The following NSD2 variants were observed in gnomAD, a reference collection of about 807,000 sequenced individuals.
NSD2 encodes the protein histone-lysine N-methyltransferase NSD2.
A neutral mutation model predicts 139.0 loss-of-function variants in NSD2; 12 were observed. The observed-to-expected ratio is 0.09, with a 90% CI of 0.06 to 0.14. The LOEUF (loss-of-function observed/expected upper bound fraction) is 0.14. Among genes scored for constraint, NSD2 ranks in the 10% least tolerant of loss-of-function variants. The pLI is 1.00. For synonymous variants in NSD2, 669 were observed against 648.7 expected (o/e 1.03, Z -0.48); for missense variants, 1,155 against 1,745.0 (o/e 0.66, Z 6.02).
chr4:1,914,681 A>C (rs534270210), intron 3 of NSD2, among the ~76,000 whole-genome samples: 2 of 152,254 alleles, frequency 1.3e-5, no homozygotes, highest in South Asian at 2.1e-4. Flanking sequence ...CTGGGTGTAG[A>C]ATTTTATGTT....
At chr4:1,937,030 A>G (rs1050481773) in intron 7 of NSD2, among the ~76,000 whole-genome samples, 2 of 151,532 alleles carry the variant, frequency 1.3e-5, no homozygotes, top group East Asian at 1.9e-4. Flanking sequence ...GGAAGCCTGC[A>G]CTTAACATTT....
intron 2 of NSD2, among the ~76,000 whole-genome samples, chr4:1,903,632 C>T (rs1156377731): frequency 6.6e-6 from 1 of 152,062 alleles, no homozygotes; most frequent in Non-Finnish European, 1.5e-5. Flanking sequence ...TCTATTAATA[C>T]TAGGCCAAGG....
Position 1,930,547 on chromosome 4 carries a change from G to A in NSD2, c.1411-79G>A, listed in dbSNP as rs571511285. 1.1e-4 allele frequency: 153 copies of A among 1,430,404 alleles called. 2 individuals are homozygous for A. In the South Asian group the frequency reaches 2.2e-3, roughly 20 times the overall value. The allele number at this position is 1,430,404 out of a possible 1,614,324, so 88.6% of individuals were successfully genotyped here. ...GACACACTAAGTTCTAAAGGGCCGT[G>A]CATTTGATTTCATGCAAAACAAAAC... On this transcript the variant is annotated intron_variant, in intron 5 of 21. Transcript: ENST00000508803.
In NSD2 at chr4:1,953,458, C is replaced by T. The variant is rs1329886619; in HGVS notation, c.2272C>T (p.Arg758Cys). 1 of 1,614,094 alleles carries T rather than the reference C, an allele frequency of 6.2e-7. No homozygotes were observed. The highest frequency in any genetic ancestry group is 2.2e-5 in the East Asian group (1 of 44,874). ...PLTVFESRGF[R>C]CPLHSCVSCH... is the part of the protein sequence containing the mutation. ...GACTGTATTTGAGAGCCGAGGTTTC[C>T]GCTGCCCCCTCCACAGCTGTGTGAG... Residue 758 changes from arginine (R) to cysteine (C), a missense_variant, in exon 12 of 22, where the codon CGC (arginine) becomes TGC (cysteine). By Grantham distance (180) the Arg-to-Cys change is radical. This residue lies in a region of NSD2 where 120 missense variants were observed against 239.3 expected (regional missense o/e 0.50). Coordinates refer to ENST00000508803, the MANE Select transcript of NSD2 (RefSeq NM_001042424.3).
intron 5 of NSD2, among the ~76,000 whole-genome samples, chr4:1,923,680 G>A (rs929876189): frequency 6.6e-6 from 1 of 152,226 alleles, no homozygotes; most frequent in Non-Finnish European, 1.5e-5. Flanking sequence ...AATTGAAGAT[G>A]TGCCTTTTTT....
intron 11 of NSD2, chr4:1,952,964 A>G: frequency 7.0e-7 from 1 of 1,432,294 alleles, no homozygotes; most frequent in Non-Finnish European, 9.1e-7. Flanking sequence ...GCCCAGAATG[A>G]TAAGTGACTG....
intron 3 of NSD2, 95 bp downstream of exon 3, chr4:1,904,473 G>C (rs1577399393): frequency 1.7e-5 from 23 of 1,360,732 alleles, no homozygotes; most frequent in Middle Eastern, 1.9e-4. Context: ...AAATAGCCCT[G>C]CTATGGTTCA....
At chr4:1,920,362 A>G (rs1297295534) in intron 5 of NSD2, among the ~76,000 whole-genome samples, 1 of 152,048 alleles carries the variant, frequency 6.6e-6, no homozygotes, top group Non-Finnish European at 1.5e-5. Flanking sequence ...AGGCAGGAGA[A>G]TCACTTGAAC....
At chr4:1,919,629 A>G (rs866499691) in intron 5 of NSD2, among the ~76,000 whole-genome samples, 1 of 151,978 alleles carries the variant, frequency 6.6e-6, no homozygotes, top group Non-Finnish European at 1.5e-5. Flanking sequence ...GTGGTGATTA[A>G]AGGTATCAAA....
chr4:1,938,391 T>G, intron 7 of NSD2, 60 bp from the exon 8 acceptor site: 1 of 1,292,098 alleles, frequency 7.7e-7, no homozygotes. Context: ...TTTTTTCCTT[T>G]TTTTCTTTTC....
intron 9 of NSD2, chr4:1,945,766 G>C (rs1355074299): frequency 9.4e-7 from 1 of 1,064,138 alleles, no homozygotes; most frequent in Middle Eastern, 4.2e-4. Flanking sequence ...CAGTCACTGC[G>C]TCTGGGCCTG....
chr4:1,922,674 C>G (rs547075931), intron 5 of NSD2, among the ~76,000 whole-genome samples: 1 of 152,280 alleles, frequency 6.6e-6, no homozygotes, highest in African/African-American at 2.4e-5. Context: ...GCCTGTAATC[C>G]CAGCACTTTG....
At chr4:1,914,410 C>T (rs963259775) in intron 3 of NSD2, among the ~76,000 whole-genome samples, 9 of 151,908 alleles carry the variant, frequency 5.9e-5, no homozygotes, top group African/African-American at 2.2e-4. Flanking sequence ...ATTGCAGTCT[C>T]CACCTCCTGG....
intron 3 of NSD2, chr4:1,912,068 C>T (rs186898260): frequency 2.8e-6 from 1 of 361,838 alleles, no homozygotes; most frequent in Non-Finnish European, 5.4e-6. Context: ...TCACAAATCC[C>T]TTGACATATC....
At position 1,981,780 on chromosome 4, in the gene NSD2, T is replaced by A. The variant is rs1340221567; in HGVS notation, c.*2871T>A. ...ATTTTCCAGAATTAAACCTGTTTTA[T>A]AATTCAAGTTAATGCAAATGACTGT... On this transcript the variant is annotated 3_prime_UTR_variant, in exon 22 of 22. Coordinates refer to ENST00000508803, the MANE Select transcript of NSD2 (RefSeq NM_001042424.3). The A allele has an allele frequency of 2.5e-6, 1 of 398,558 alleles. No individual in the cohort carries two copies. The highest frequency in any genetic ancestry group is 3.6e-5 in the East Asian group (1 of 28,084). 24.7% of individuals were successfully genotyped at this position (398,558 alleles called of 1,614,324 possible).
chr4:1,877,325 C>T (rs1714333268), intron 1 of NSD2, among the ~76,000 whole-genome samples: 1 of 152,148 alleles, frequency 6.6e-6, no homozygotes, highest in Admixed American at 6.6e-5. Context: ...TTCTAAAATA[C>T]AGATGTCCTA....
chr4:1,902,654 T>C (rs925798560), intron 2 of NSD2, among the ~76,000 whole-genome samples: 9 of 152,256 alleles, frequency 5.9e-5, no homozygotes, highest in African/African-American at 2.2e-4. Flanking sequence ...GCACAGGCTG[T>C]TCACGAACTC....
At chr4:1,940,719 C>G (rs1203509057) in intron 9 of NSD2, 3 of 1,061,204 alleles carry the variant, frequency 2.8e-6, no homozygotes, top group Non-Finnish European at 2.3e-6. Context: ...GCCCCTTACT[C>G]TTGCTGAGTC....
chr4:1,927,836 T>C (rs1390878428), intron 5 of NSD2, among the ~76,000 whole-genome samples: 1 of 151,692 alleles, frequency 6.6e-6, no homozygotes, highest in Non-Finnish European at 1.5e-5. Context: ...TGGCAATGTT[T>C]TAGTCAGCTG....
Sources: gnomAD v4.1 joint callset for allele counts (sites outside exome capture counted in the v4.1 genomes callset) on GRCh38, gnomAD v4.1.1 for gene constraint, gnomAD v4.1.1 regional missense constraint, MANE v1.5 for transcripts, NCBI Gene and HGNC (gene_info 2026-07-23, HGNC 2026-07-21) for gene names.